Variants in KRT80 observed in about 807,000 individuals in gnomAD.
KRT80 encodes the protein keratin, type II cytoskeletal 80.
A neutral mutation model predicts 51.5 loss-of-function variants in KRT80; 36 were observed. The observed-to-expected ratio is 0.70, with a 90% confidence interval of 0.54 to 0.92. The LOEUF is 0.92. KRT80 is among the 40% of genes least tolerant of loss of function. The pLI is 0.00. For missense variants in KRT80, 566 were observed against 591.7 expected, an observed-to-expected ratio of 0.96 and a Z score of 0.45; for synonymous variants, 235 against 248.3, an observed-to-expected ratio of 0.95 and a Z score of 0.50.
In KRT80 at chr12:52,169,754, C is replaced by G. The variant is rs142238946; in HGVS notation, c.*1644G>C. The G allele has an allele frequency of 4.6e-5, 7 of 152,356 alleles. No individual in the cohort carries two copies. Among genetic ancestry groups the G allele is most frequent in the Non-Finnish European group, 1.0e-4 (7 of 68,042 alleles). 9.4% of individuals were successfully genotyped at this position (152,356 alleles called of 1,614,324 possible). On this transcript the variant is annotated 3_prime_UTR_variant, in exon 9 of 9. Transcript: ENST00000394815. ...CTTGTATCCCCACTGAGGATTTGCT[C>G]CCTTGGAAACCAATGAAGAGCCTGA...
chr12:52,191,532 G>A (rs1941480707), intron 1 of KRT80, 71 bp downstream of exon 1: 2 of 1,446,246 alleles, frequency 1.4e-6, no homozygotes, highest in Non-Finnish European at 1.9e-6. Context: ...GATGCTCAGG[G>A]AAACACAGAG....
intron 1 of KRT80, among the ~76,000 whole-genome samples, chr12:52,189,047 G>T (rs996653333): frequency 6.6e-6 from 1 of 152,154 alleles, no homozygotes; most frequent in Non-Finnish European, 1.5e-5. Context: ...CCAGCAAGTG[G>T]AAGAAACCAC....
chr12:52,178,375 T>A (rs1287890332), intron 4 of KRT80, among the ~76,000 whole-genome samples: 3 of 152,238 alleles, frequency 2.0e-5, no homozygotes, highest in Non-Finnish European at 4.4e-5. Context: ...CTGCCCCGTG[T>A]GCTCTGACCA....
At chr12:52,173,220 T>A (rs952183917) in intron 5 of KRT80, 57 bp from the exon 6 acceptor site, 16 of 1,494,834 alleles carry the variant, frequency 1.1e-5, no homozygotes, top group Non-Finnish European at 1.3e-5. Flanking sequence ...CCAGCACTTG[T>A]TACCCGCCTC....
Position 52,171,376 on chromosome 12 carries a change from G to A in KRT80, c.*22C>T, listed in dbSNP as rs1255137032. The A allele has an allele frequency of 1.9e-6, 3 of 1,560,050 alleles. No individual in the cohort carries two copies. Among genetic ancestry groups the A allele is most frequent in the Non-Finnish European group, 2.6e-6 (3 of 1,153,606 alleles). ...CCTCCTGCTGCAGTGGAGTGCCCTG[G>A]GGTTCCTGGGGTCCAGCCGCCTTAC... On this transcript the variant is annotated 3_prime_UTR_variant, in exon 9 of 9. Transcript: ENST00000394815.
rs746090926 is a variant in KRT80, at chr12:52,171,427, A to C, written c.1330T>G (p.Phe444Val). Residue 444 changes from phenylalanine (F) to valine (V), a missense_variant, in exon 9 of 9, where the codon TTC becomes GTC. By Grantham distance (50) the Phe-to-Val change is conservative. Coordinates refer to ENST00000394815, the MANE Select transcript of KRT80 (RefSeq NM_182507.3). ...TCTGAGACCTCCGACTCCTGCGAGA[A>C]GTACTTCTCTGACATTTCGGTGATT... ...IKITEMSEKY[F>V]SQESEVSE 7.5e-5 allele frequency: 120 copies of C among 1,608,670 alleles called. No homozygotes were observed. The highest frequency in any genetic ancestry group is 9.9e-5 in the Non-Finnish European group (116 of 1,177,396).
Position 52,169,348 on chromosome 12 carries a change from A to G in KRT80, c.*2050T>C, listed in dbSNP as rs1405821059. 6.6e-6 allele frequency: 1 copy of G among 152,288 alleles called. No individual in the cohort carries two copies. Among genetic ancestry groups the G allele is most frequent in the Non-Finnish European group, 1.5e-5 (1 of 68,050 alleles). 9.4% of individuals were successfully genotyped at this position (152,288 alleles called of 1,614,324 possible). ...TTTGGAGGGGACGAGCATCCAAACC[A>G]TATCAGATGGTGAGACAGGAGAACT... On this transcript the variant is annotated 3_prime_UTR_variant, in exon 9 of 9. Coordinates refer to ENST00000394815, the MANE Select transcript of KRT80 (RefSeq NM_182507.3).
At position 52,180,502 on chromosome 12, in the gene KRT80, A is replaced by G. The variant is rs752379386; in HGVS notation, c.666+11T>C. 3 of 1,430,156 alleles carry G rather than the reference A, an allele frequency of 2.1e-6. No individual in the cohort carries two copies. The Admixed American group carries it at 8.0e-5, about 38-fold the overall frequency. The allele number at this position is 1,430,156 out of a possible 1,614,324, so 88.6% of individuals were successfully genotyped here. On this transcript the variant is annotated intron_variant, in intron 4 of 8. Transcript: ENST00000394815. ...CTGGGCTTGGCAAGACACTGGCCCCATCTCACTCACCTGCTCATAGATGGT... is the reference window on the plus strand; with the variant it reads ...CTGGGCTTGGCAAGACACTGGCCCCGTCTCACTCACCTGCTCATAGATGGT...
At chr12:52,182,873 G>A (rs1941346463) in intron 2 of KRT80, among the ~76,000 whole-genome samples, 1 of 152,160 alleles carries the variant, frequency 6.6e-6, no homozygotes, top group African/African-American at 2.4e-5. Context: ...GGGAACGCTG[G>A]GCTGCGGCTG....
chr12:52,173,174 A>G lies in KRT80; in HGVS notation c.832-11T>C, dbSNP rs377450313. On this transcript the variant is annotated splice_polypyrimidine_tract_variant and intron_variant, in intron 5 of 8. Transcript: ENST00000394815. The stretch of plus-strand genomic sequence containing the variant: ...GGCCTGCTCCTCCAGCTGGAGGTAC[A>G]TGGAGGTCTCAGTGAGGGGCAGCTC... The G allele has an allele frequency of 1.2e-5, 19 of 1,602,650 alleles. No homozygotes were observed. Among genetic ancestry groups the G allele is most frequent in the East Asian group, 2.2e-5 (1 of 44,546 alleles).
intron 5 of KRT80, among the ~76,000 whole-genome samples, chr12:52,173,392 A>G (rs1414839168): frequency 6.6e-6 from 1 of 151,990 alleles, no homozygotes; most frequent in Non-Finnish European, 1.5e-5. Context: ...AGCATTGCTG[A>G]TAACAGCACC....
Position 52,171,290 on chromosome 12 carries a change from G to C in KRT80, c.*108C>G. 8.6e-7 allele frequency: 1 copy of C among 1,165,758 alleles called. No homozygotes were observed. Among genetic ancestry groups the C allele is most frequent in the South Asian group, 1.5e-5 (1 of 66,282 alleles). 72.2% of individuals were successfully genotyped at this position (1,165,758 alleles called of 1,614,324 possible). On this transcript the variant is annotated 3_prime_UTR_variant, in exon 9 of 9. Coordinates refer to ENST00000394815, the MANE Select transcript of KRT80 (RefSeq NM_182507.3). ...GAACCCCTCTCTCAGTTCAATATCA[G>C]GTTTTGCCTCTCTTCTCAACCTAGA... is the stretch of plus-strand genomic sequence containing the variant.
At chr12:52,175,944 A>G (rs1186550048) in intron 4 of KRT80, among the ~76,000 whole-genome samples, 8 of 152,088 alleles carry the variant, frequency 5.3e-5, no homozygotes, top group Admixed American at 5.2e-4. Context: ...GTTTTGGTTG[A>G]CACATTGTGG....
At position 52,172,331 on chromosome 12, in the gene KRT80, C is replaced by T. The variant is rs1230321859; in HGVS notation, c.1045G>A (p.Glu349Lys). The change falls in exon 7 of 9, where the codon GAG becomes AAG. Residue 349 changes from glutamate to lysine, a missense_variant. By Grantham distance (56) the Glu-to-Lys change is moderately conservative. Coordinates refer to ENST00000394815, the MANE Select transcript of KRT80 (RefSeq NM_182507.3). Reference sequence around the variant, plus strand: ...TGCTTGGCCTGCTGCAGGGCGGCCTCCAGCTGGGCCAGCTTGGTCTTGGCA... The same window carrying T: ...TGCTTGGCCTGCTGCAGGGCGGCCTTCAGCTGGGCCAGCTTGGTCTTGGCA... ...QDAKTKLAQL[E>K]AALQQAKQDM... The T allele has an allele frequency of 6.2e-7, 1 of 1,614,068 alleles. No individual in the cohort carries two copies. Among genetic ancestry groups the T allele is most frequent in the Non-Finnish European group, 8.5e-7 (1 of 1,180,016 alleles).
At chr12:52,190,885 C>T (rs532086147) in intron 1 of KRT80, among the ~76,000 whole-genome samples, 2 of 152,220 alleles carry the variant, frequency 1.3e-5, no homozygotes, top group Admixed American at 6.5e-5. Flanking sequence ...GAGGTGGACA[C>T]GAGTGCCCCA....
intron 1 of KRT80, among the ~76,000 whole-genome samples, chr12:52,189,934 A>C (rs927104535): frequency 6.6e-6 from 1 of 152,242 alleles, no homozygotes; most frequent in African/African-American, 2.4e-5. Flanking sequence ...TTGAGGGAGA[A>C]AACCACCCAT....
intron 4 of KRT80, among the ~76,000 whole-genome samples, chr12:52,176,775 C>T (rs528874805): frequency 1.3e-5 from 2 of 152,336 alleles, no homozygotes; most frequent in African/African-American, 2.4e-5. Context: ...GCCACTGTGC[C>T]CGGCCAATCA....
chr12:52,180,408 G>C, intron 4 of KRT80, 105 bp downstream of exon 4: 2 of 669,302 alleles, frequency 3.0e-6, no homozygotes, highest in Non-Finnish European at 4.7e-6. Flanking sequence ...GTAAGTGACT[G>C]TTGGAGGTTC....
intron 4 of KRT80, among the ~76,000 whole-genome samples, chr12:52,178,966 A>G (rs1206320460): frequency 6.6e-6 from 1 of 152,114 alleles, no homozygotes; most frequent in Non-Finnish European, 1.5e-5. Flanking sequence ...GCAGGGGCCA[A>G]GAAGTCTTGT....
Sources: gnomAD v4.1 joint callset for allele counts (sites outside exome capture counted in the v4.1 genomes callset) on GRCh38, gnomAD v4.1.1 for gene constraint, MANE v1.5 for transcripts, NCBI Gene and HGNC (gene_info 2026-07-23, HGNC 2026-07-21) for gene names.